The following KANSL1L variants were observed in gnomAD, a reference collection of about 807,000 sequenced individuals.
The protein encoded by KANSL1L is KAT8 regulatory NSL complex subunit 1-like protein.
A neutral mutation model predicts 108.6 loss-of-function variants in KANSL1L; 25 were observed. The ratio of observed to expected loss-of-function variants is 0.23; its 90% CI spans 0.17 to 0.32. KANSL1L has a LOEUF of 0.32. Among genes scored for constraint, KANSL1L ranks in the 10% least tolerant of loss-of-function variants. KANSL1L has a pLI of 1.00. For synonymous variants in KANSL1L, 405 were observed against 395.1 expected (o/e 1.03, Z -0.30); for missense variants, 1,137 against 1,125.7 (o/e 1.01, Z -0.14).
chr2:210,081,871 A>G (rs1031043445), intron 5 of KANSL1L, among the ~76,000 whole-genome samples: 1 of 152,238 alleles, frequency 6.6e-6, no homozygotes, highest in African/African-American at 2.4e-5. Context: ...AACTTTAAAA[A>G]AAGATATATA....
intron 1 of KANSL1L, among the ~76,000 whole-genome samples, chr2:210,169,954 T>G (rs1318477492): frequency 6.6e-6 from 1 of 152,204 alleles, no homozygotes; most frequent in Non-Finnish European, 1.5e-5. Context: ...TCTTACAATC[T>G]CTTAAGACAG....
At chr2:210,090,933 C>T (rs2094688010) in intron 5 of KANSL1L, among the ~76,000 whole-genome samples, 2 of 152,278 alleles carry the variant, frequency 1.3e-5, no homozygotes, top group South Asian at 4.1e-4. Flanking sequence ...TATTAATTTA[C>T]ACGTTTCAGC....
intron 4 of KANSL1L, 176 bp downstream of exon 4, chr2:210,103,928 G>T: frequency 2.4e-6 from 1 of 413,764 alleles, no homozygotes; most frequent in Non-Finnish European, 4.3e-6. Flanking sequence ...AAATTATATT[G>T]GTATTATAAT....
rs1317819299 is a variant in KANSL1L at position 210,117,232 on chromosome 2, A to AG, written c.1230+11798dup. On this transcript the variant is annotated intron_variant, in intron 3 of 14. Coordinates refer to ENST00000281772, the MANE Select transcript of KANSL1L (RefSeq NM_152519.4). ...AAGAAAAAAGAATAAAAAGTAATAA[A>AG]GCACACCTACCAGATCAAAAAAATA... Among the ~76,000 whole-genome samples the AG allele has an allele frequency of 2.6e-5, 4 of 152,336 alleles. No homozygotes were observed. The East Asian group carries it at 7.7e-4, about 29-fold the overall frequency.
chr2:210,111,701 CTTTT>C (rs574842208), intron 3 of KANSL1L, among the ~76,000 whole-genome samples: 13 of 151,006 alleles, frequency 8.6e-5, no homozygotes, highest in African/African-American at 1.7e-4. Flanking sequence ...ACAAGAACAT[CTTTT>C]TTTTTCTTTT....
intron 13 of KANSL1L, 26 bp from the exon 14 acceptor site, chr2:210,024,227 A>G (rs2093902192): frequency 1.3e-6 from 2 of 1,508,116 alleles, no homozygotes; most frequent in Admixed American, 4.5e-5. Context: ...GGAAAACACA[A>G]TTATTTTTTA....
At chr2:210,110,140 A>G (rs1214811195) in intron 3 of KANSL1L, among the ~76,000 whole-genome samples, 2 of 152,094 alleles carry the variant, frequency 1.3e-5, no homozygotes, top group East Asian at 3.9e-4. Context: ...TCTAACCCCT[A>G]TACCTACCTA....
At chr2:210,129,754 C>T (rs183570201) in intron 2 of KANSL1L, among the ~76,000 whole-genome samples, 4 of 152,006 alleles carry the variant, frequency 2.6e-5, no homozygotes, top group African/African-American at 9.7e-5. Flanking sequence ...AATATATAGA[C>T]CTTAAAATAT....
chr2:210,138,377 C>T (rs748829293), intron 2 of KANSL1L, among the ~76,000 whole-genome samples: 42 of 152,032 alleles, frequency 2.8e-4, no homozygotes, highest in Non-Finnish European at 5.4e-4. Context: ...ATGCTCACTA[C>T]CTGGACAATG....
intron 6 of KANSL1L, among the ~76,000 whole-genome samples, chr2:210,065,246 G>A (rs1410152912): frequency 6.6e-5 from 8 of 121,028 alleles, no homozygotes; most frequent in African/African-American, 2.3e-4. Flanking sequence ...AGCCGAGATC[G>A]CACCACTGTA....
Position 210,027,401 on chromosome 2 carries a change from G to T in KANSL1L, c.2397-51C>A, listed in dbSNP as rs755261801. 3 of 1,263,294 alleles carry T rather than the reference G, an allele frequency of 2.4e-6. No individual in the cohort carries two copies. In the South Asian group the frequency reaches 3.6e-5, roughly 15 times the overall value. The allele number at this position is 1,263,294 out of a possible 1,614,324, so 78.3% of individuals were successfully genotyped here. Reference sequence around the variant, plus strand: ...AACAGCTTTTATTTATTTAAATGTGGCAATTTTATACTCAGCACAGCTAAA... The same window carrying T: ...AACAGCTTTTATTTATTTAAATGTGTCAATTTTATACTCAGCACAGCTAAA... On this transcript the variant is annotated intron_variant, in intron 11 of 14. Transcript: ENST00000281772.
intron 3 of KANSL1L, among the ~76,000 whole-genome samples, chr2:210,107,953 G>A (rs2094866910): frequency 1.3e-5 from 2 of 152,128 alleles, no homozygotes; most frequent in South Asian, 4.1e-4. Context: ...TTACAAAACA[G>A]CATCTCTCAA....
At chr2:210,048,994 T>C (rs950260946) in intron 6 of KANSL1L, among the ~76,000 whole-genome samples, 8 of 152,224 alleles carry the variant, frequency 5.3e-5, no homozygotes, top group Non-Finnish European at 1.2e-4. Context: ...CTATTTTCCC[T>C]TTCCAACCAC....
intron 3 of KANSL1L, among the ~76,000 whole-genome samples, chr2:210,115,775 A>G (rs1361429798): frequency 2.6e-5 from 4 of 152,144 alleles, no homozygotes; most frequent in Non-Finnish European, 4.4e-5. Context: ...CTTTCCTTCT[A>G]CCAATCACCT....
At chr2:210,040,571 T>G in intron 7 of KANSL1L, 44 bp from the exon 8 acceptor site, 1 of 827,976 alleles carries the variant, frequency 1.2e-6, no homozygotes, top group East Asian at 2.6e-5. Context: ...TACCACTCTT[T>G]GTAATACTAG....
At chr2:210,033,829 C>G (rs1212663100) in intron 8 of KANSL1L, among the ~76,000 whole-genome samples, 1 of 152,114 alleles carries the variant, frequency 6.6e-6, no homozygotes, top group Non-Finnish European at 1.5e-5. Context: ...TGAGCCACCG[C>G]GCCCGGCCAA....
intron 7 of KANSL1L, among the ~76,000 whole-genome samples, chr2:210,041,070 A>C (rs570620776): frequency 6.6e-6 from 1 of 152,214 alleles, no homozygotes; most frequent in East Asian, 1.9e-4. Flanking sequence ...ACCATATTAT[A>C]TATCACAATG....
At chr2:210,155,967 A>T (rs1451268538) in intron 1 of KANSL1L, among the ~76,000 whole-genome samples, 1 of 152,214 alleles carries the variant, frequency 6.6e-6, no homozygotes, top group Non-Finnish European at 1.5e-5. Context: ...AAAAATGATC[A>T]AGAAGAAAAT....
chr2:210,090,399 G>A (rs560667943), intron 5 of KANSL1L, among the ~76,000 whole-genome samples: 89 of 152,284 alleles, frequency 5.8e-4, no homozygotes, highest in African/African-American at 2.0e-3. Context: ...AGGGGACACT[G>A]AGTGATTGTC....
Sources: allele counts gnomAD v4.1 joint callset (sites outside exome capture counted in the v4.1 genomes callset), GRCh38; gene constraint gnomAD v4.1.1; transcripts MANE v1.5; gene names NCBI Gene and HGNC (gene_info 2026-07-23, HGNC 2026-07-21).